Variants in DGKB observed in about 807,000 individuals in gnomAD.
DGKB encodes the protein 90 kDa diacylglycerol kinase.
Under a neutral mutation model 114.3 loss-of-function variants are expected in DGKB, and 67 were observed. The ratio of observed to expected loss-of-function variants is 0.59; its 90% CI spans 0.48 to 0.72. The LOEUF (loss-of-function observed/expected upper bound fraction) is 0.72. Among genes scored for constraint, DGKB ranks in the 30% least tolerant of loss-of-function variants. The pLI is 0.00. For missense variants in DGKB, 907 were observed against 975.2 expected, an observed-to-expected ratio of 0.93 and a Z score of 0.93; for synonymous variants, 398 against 323.1, an observed-to-expected ratio of 1.23 and a Z score of -2.49.
At chr7:14,756,366 T>C (rs1473114420) in intron 3 of DGKB, among the ~76,000 whole-genome samples, 1 of 151,960 alleles carries the variant, frequency 6.6e-6, no homozygotes, top group African/African-American at 2.4e-5. Flanking sequence ...AATTTTTTTT[T>C]CCTCCTCCTC....
intron 2 of DGKB, among the ~76,000 whole-genome samples, chr7:14,825,016 GTATATATATATATATATATA>G (rs67135250): frequency 1.5e-4 from 14 of 92,412 alleles, no homozygotes; most frequent in South Asian, 8.0e-4. Flanking sequence ...GTATGTGTAT[GTATATATATATATATATATA>G]TATATATATA....
chr7:14,853,378 C>T (rs1378222331), intron 1 of DGKB, among the ~76,000 whole-genome samples: 1 of 151,816 alleles, frequency 6.6e-6, no homozygotes, highest in East Asian at 1.9e-4. Flanking sequence ...CACTAAGAAA[C>T]ATTTACAATA....
chr7:14,411,905 G>C (rs1269145194), intron 21 of DGKB, among the ~76,000 whole-genome samples: 1 of 152,118 alleles, frequency 6.6e-6, no homozygotes, highest in Non-Finnish European at 1.5e-5. Flanking sequence ...AGAATAATAT[G>C]TGACCATTTA....
intron 23 of DGKB, among the ~76,000 whole-genome samples, chr7:14,239,946 A>C (rs1447445574): frequency 6.6e-6 from 1 of 152,114 alleles, no homozygotes; most frequent in Admixed American, 6.6e-5. Flanking sequence ...CCTTAAAGGA[A>C]TATACTTTAG....
At chr7:14,689,801 A>AT (rs1822494156) in intron 9 of DGKB, among the ~76,000 whole-genome samples, 1 of 152,236 alleles carries the variant, frequency 6.6e-6, no homozygotes, top group Non-Finnish European at 1.5e-5. Context: ...TGTGCTGAAC[A>AT]TCAGCTCCCA....
At chr7:14,176,308 A>C in intron 25 of DGKB, 1 of 957,964 alleles carries the variant, frequency 1.0e-6, no homozygotes, top group Non-Finnish European at 1.2e-6. Context: ...TTTTTTTTTG[A>C]GAGGGGCAGT....
At chr7:14,576,300 T>C (rs756037565) in intron 19 of DGKB, among the ~76,000 whole-genome samples, 4 of 152,012 alleles carry the variant, frequency 2.6e-5, no homozygotes, top group Non-Finnish European at 5.9e-5. Flanking sequence ...TTTACTAACA[T>C]TTCATGTTTC....
intron 21 of DGKB, among the ~76,000 whole-genome samples, chr7:14,476,890 G>T (rs1182975003): frequency 6.6e-6 from 1 of 151,520 alleles, no homozygotes; most frequent in Non-Finnish European, 1.5e-5. Flanking sequence ...GAGTAGCTTG[G>T]GTTACAGGCA....
chr7:14,481,752 C>T lies in DGKB; in HGVS notation c.1771-3527G>A, dbSNP rs553356139. ...TGTTTTTGGAGGAATGAATTCCAATCTCTCCCTGTGTGCAAACTTTTCTTT... is the reference window on the plus strand; with the variant it reads ...TGTTTTTGGAGGAATGAATTCCAATTTCTCCCTGTGTGCAAACTTTTCTTT... On this transcript the variant is annotated intron_variant, in intron 20 of 25. Coordinates refer to ENST00000402815, the MANE Select transcript of DGKB (RefSeq NM_001350709.2). Among the ~76,000 whole-genome samples, 5 of 152,008 alleles carry T rather than the reference C, an allele frequency of 3.3e-5. No individual in the cohort carries two copies. In the South Asian group the frequency reaches 8.3e-4, roughly 25 times the overall value.
chr7:14,662,900 A>G (rs1817412081), intron 13 of DGKB, among the ~76,000 whole-genome samples: 1 of 151,880 alleles, frequency 6.6e-6, no homozygotes, highest in Admixed American at 6.6e-5. Context: ...TTACATAGTT[A>G]TGGTATGATA....
chr7:14,718,274 G>T (rs1828545582), intron 6 of DGKB, among the ~76,000 whole-genome samples: 1 of 152,082 alleles, frequency 6.6e-6, no homozygotes, highest in Non-Finnish European at 1.5e-5. Context: ...GTTAACTCCA[G>T]AGAACTGAGG....
intron 4 of DGKB, among the ~76,000 whole-genome samples, chr7:14,747,105 C>T (rs1210549877): frequency 6.6e-6 from 1 of 151,902 alleles, no homozygotes; most frequent in African/African-American, 2.4e-5. Flanking sequence ...CAAACTTCTT[C>T]ACTGTGTTCT....
intron 1 of DGKB, among the ~76,000 whole-genome samples, chr7:14,926,896 A>G (rs145328153): frequency 1.1e-3 from 174 of 152,026 alleles, no homozygotes; most frequent in African/African-American, 4.0e-3. Flanking sequence ...GTGGTTCCCT[A>G]CAGAAGATTC....
chr7:14,583,078 G>T lies in DGKB; in HGVS notation c.1493C>A (p.Thr498Asn), dbSNP rs949395139. ...TATGCAATCCAAAACCCAGCCCACG[G>T]TTCCATCTCCACCACAGGCTAACAC... ...FRVLACGGDGTVGWVLDCIEK... is the reference protein window; with the variant it reads ...FRVLACGGDGNVGWVLDCIEK... The change falls in exon 18 of 26, where the codon ACC (threonine) becomes AAC (asparagine). Residue 498 changes from threonine (T) to asparagine (N), a missense_variant. Transcript: ENST00000402815. 3.1e-6 allele frequency: 5 copies of T among 1,613,140 alleles called. No individual in the cohort carries two copies. The highest frequency in any genetic ancestry group is 3.4e-6 in the Non-Finnish European group (4 of 1,179,530).
intron 23 of DGKB, among the ~76,000 whole-genome samples, chr7:14,314,658 G>T (rs1188730808): frequency 6.6e-6 from 1 of 152,098 alleles, no homozygotes; most frequent in Non-Finnish European, 1.5e-5. Context: ...ACGTCTGACT[G>T]GTGTACCTGA....
intron 1 of DGKB, among the ~76,000 whole-genome samples, chr7:14,842,055 G>A (rs1848013465): frequency 6.6e-6 from 1 of 152,116 alleles, no homozygotes; most frequent in Non-Finnish European, 1.5e-5. Flanking sequence ...ACATTCACTG[G>A]CTATATCTGT....
intron 17 of DGKB, among the ~76,000 whole-genome samples, chr7:14,603,241 C>A (rs1231145664): frequency 6.6e-6 from 1 of 152,048 alleles, no homozygotes; most frequent in Non-Finnish European, 1.5e-5. Flanking sequence ...GGAGAGCTTG[C>A]CGAATCATCT....
chr7:14,595,276 T>C (rs745491201), intron 17 of DGKB, among the ~76,000 whole-genome samples: 4 of 151,990 alleles, frequency 2.6e-5, no homozygotes, highest in African/African-American at 9.7e-5. Flanking sequence ...ATACTGTCAG[T>C]GGGAATGAGA....
chr7:14,823,494 A>G (rs1278020571), intron 2 of DGKB, among the ~76,000 whole-genome samples: 1 of 152,140 alleles, frequency 6.6e-6, no homozygotes, highest in Non-Finnish European at 1.5e-5. Flanking sequence ...GCTAATTTCT[A>G]CTGAGAGAAC....
Sources: allele counts gnomAD v4.1 joint callset (sites outside exome capture counted in the v4.1 genomes callset), GRCh38; gene constraint gnomAD v4.1.1; transcripts MANE v1.5; gene names NCBI Gene and HGNC (gene_info 2026-07-23, HGNC 2026-07-21).